The following CDH18 variants were observed in gnomAD, a reference collection of about 807,000 sequenced individuals.
CDH18 encodes the protein cadherin 18, also known as cadherin-18.
A neutral mutation model predicts 67.9 loss-of-function variants in CDH18; 31 were observed. The observed-to-expected ratio is 0.46, with a 90% confidence interval of 0.34 to 0.62. CDH18 has a LOEUF of 0.62. CDH18 is among the 20% of genes least tolerant of loss of function. CDH18 has a pLI of 0.01. For synonymous variants in CDH18, 362 were observed against 347.2 expected, an observed-to-expected ratio of 1.04 and a Z score of -0.48; for missense variants, 890 against 975.5, an observed-to-expected ratio of 0.91 and a Z score of 1.17.
chr5:20,216,439 C>G (rs1436454983), intron 2 of CDH18, among the ~76,000 whole-genome samples: 1 of 151,828 alleles, frequency 6.6e-6, no homozygotes. Context: ...TAGTGGGAAC[C>G]TGTCTAAAAA....
At chr5:19,653,657 C>A (rs960670719) in intron 5 of CDH18, among the ~76,000 whole-genome samples, 1 of 152,096 alleles carries the variant, frequency 6.6e-6, no homozygotes, top group African/African-American at 2.4e-5. Flanking sequence ...GAGAAAGATC[C>A]CCCCAGGCCA....
chr5:20,455,488 A>T (rs893223030), intron 1 of CDH18, among the ~76,000 whole-genome samples: 13 of 152,090 alleles, frequency 8.5e-5, no homozygotes, highest in African/African-American at 3.1e-4. Flanking sequence ...ATATTTAGAG[A>T]GCAACACACA....
intron 3 of CDH18, among the ~76,000 whole-genome samples, chr5:19,790,485 G>C (rs1289393928): frequency 6.6e-6 from 1 of 152,128 alleles, no homozygotes; most frequent in East Asian, 1.9e-4. Flanking sequence ...GATGAATCCA[G>C]CTGCTGACAC....
Position 19,488,994 on chromosome 5 carries a change from G to A in CDH18, c.1631-5442C>T, listed in dbSNP as rs114219097. ...AATGCATGATCCAATATGTCATTAT[G>A]TTCTGATCTGCACCCTGGAATGTCA... On this transcript the variant is annotated intron_variant, in intron 11 of 12. Coordinates refer to ENST00000382275, the MANE Select transcript of CDH18 (RefSeq NM_004934.5). 5.5e-3 allele frequency among the ~76,000 whole-genome samples: 844 copies of A among 152,096 alleles called. 7 individuals carry two copies. Among genetic ancestry groups the A allele is most frequent in the African/African-American group, 0.019 (797 of 41,510 alleles).
At chr5:19,854,869 A>T (rs1320610548) in intron 2 of CDH18, among the ~76,000 whole-genome samples, 3 of 135,374 alleles carry the variant, frequency 2.2e-5, no homozygotes, top group Non-Finnish European at 3.1e-5. Context: ...TTCCCCCTTT[A>T]TCCCCCTCCC....
intron 2 of CDH18, among the ~76,000 whole-genome samples, chr5:20,114,599 G>T (rs1249875225): frequency 6.6e-6 from 1 of 152,054 alleles, no homozygotes; most frequent in Non-Finnish European, 1.5e-5. Flanking sequence ...AAGTTTGCTA[G>T]GAGTGGAAGA....
At chr5:19,978,924 A>T (rs1158515074) in intron 2 of CDH18, among the ~76,000 whole-genome samples, 1 of 152,066 alleles carries the variant, frequency 6.6e-6, no homozygotes, top group Non-Finnish European at 1.5e-5. Context: ...TAATATAATC[A>T]CAAGTTACAG....
chr5:20,561,837 A>AT (rs1237092816), intron 1 of CDH18, among the ~76,000 whole-genome samples: 4 of 151,894 alleles, frequency 2.6e-5, no homozygotes, highest in African/African-American at 4.8e-5. Context: ...TATGAAACTG[A>AT]TTTTTTTCAC....
intron 2 of CDH18, among the ~76,000 whole-genome samples, chr5:19,978,835 T>TCCAG (rs55748347): frequency 0.29 from 44,168 of 151,768 alleles, 7,813 homozygotes; most frequent in Admixed American, 0.4. Context: ...ACCAAGTTTA[T>TCCAG]CCAGGATCAT....
At chr5:20,516,949 G>A (rs10440638) in intron 1 of CDH18, among the ~76,000 whole-genome samples, 1 of 151,640 alleles carries the variant, frequency 6.6e-6, no homozygotes, top group East Asian at 1.9e-4. Context: ...ATAGAATCTA[G>A]TGCAATACTT....
chr5:19,830,402 A>G (rs765429944), intron 3 of CDH18, among the ~76,000 whole-genome samples: 1 of 152,190 alleles, frequency 6.6e-6, no homozygotes. Flanking sequence ...TTTTCAAAAG[A>G]AGACATATAC....
intron 2 of CDH18, among the ~76,000 whole-genome samples, chr5:20,048,381 T>C (rs1174246605): frequency 2.0e-5 from 3 of 151,714 alleles, no homozygotes; most frequent in South Asian, 2.1e-4. Context: ...AGGAAGATAA[T>C]AGAAGATAAA....
At chr5:19,537,868 G>A (rs181401011) in intron 9 of CDH18, among the ~76,000 whole-genome samples, 16 of 152,128 alleles carry the variant, frequency 1.1e-4, no homozygotes, top group Admixed American at 1.0e-3. Flanking sequence ...TGAGTTAATT[G>A]AAAGATACTT....
intron 2 of CDH18, among the ~76,000 whole-genome samples, chr5:20,087,082 A>G (rs1745023948): frequency 1.3e-5 from 2 of 152,196 alleles, no homozygotes. Context: ...TAACATTAAT[A>G]GTTGTTTAAA....
intron 3 of CDH18, among the ~76,000 whole-genome samples, chr5:19,764,293 A>C (rs1434411420): frequency 6.6e-6 from 1 of 152,082 alleles, no homozygotes; most frequent in Non-Finnish European, 1.5e-5. Flanking sequence ...TAAATACTTA[A>C]GGAAATATGA....
chr5:19,962,378 C>CAAAAAAAAAAAAAAAAAAAAA (rs3065078), intron 2 of CDH18, among the ~76,000 whole-genome samples: 6 of 51,594 alleles, frequency 1.2e-4, no homozygotes, highest in Admixed American at 3.0e-4. Context: ...CGTCAAAAAG[C>CAAAAAAAAAAAAAAAAAAAAA]AAAAAAAAAA....
chr5:20,102,071 G>A (rs893448512), intron 2 of CDH18, among the ~76,000 whole-genome samples: 19 of 151,704 alleles, frequency 1.3e-4, no homozygotes, highest in African/African-American at 3.9e-4. Context: ...ATGCTGTCTC[G>A]GAAAAAACAA....
At chr5:19,774,619 C>A (rs1253894122) in intron 3 of CDH18, among the ~76,000 whole-genome samples, 1 of 149,166 alleles carries the variant, frequency 6.7e-6, no homozygotes, top group Non-Finnish European at 1.5e-5. Context: ...GTCAGGAATT[C>A]GAGACCAGCC....
intron 12 of CDH18, among the ~76,000 whole-genome samples, chr5:19,478,235 A>G (rs1738818469): frequency 6.6e-6 from 1 of 152,104 alleles, no homozygotes; most frequent in Non-Finnish European, 1.5e-5. Flanking sequence ...CCCATTCCAT[A>G]CTGAATCTCA....
Sources: allele counts gnomAD v4.1 joint callset (sites outside exome capture counted in the v4.1 genomes callset), GRCh38; gene constraint gnomAD v4.1.1; transcripts MANE v1.5; gene names NCBI Gene and HGNC (gene_info 2026-07-23, HGNC 2026-07-21).